Variants in OPCML observed in about 807,000 individuals in gnomAD.
The protein encoded by OPCML is opioid-binding protein/cell adhesion molecule.
OPCML carries 13 observed loss-of-function variants against 37.8 expected under a neutral mutation model. The observed-to-expected ratio is 0.34, with a 90% CI of 0.22 to 0.55. The LOEUF is 0.55. Among genes scored for constraint, OPCML ranks in the 20% least tolerant of loss-of-function variants. The pLI, the probability that OPCML is intolerant of heterozygous loss-of-function variation, is 0.91. For synonymous variants in OPCML, 176 were observed against 168.8 expected (o/e 1.04, Z -0.33); for missense variants, 341 against 435.6 (o/e 0.78, Z 1.93).
At chr11:133,024,169 T>C (rs373337391) in intron 1 of OPCML, among the ~76,000 whole-genome samples, 1 of 152,178 alleles carries the variant, frequency 6.6e-6, no homozygotes, top group African/African-American at 2.4e-5. Flanking sequence ...ACAGGGGACA[T>C]TTCAACACTG....
intron 1 of OPCML, among the ~76,000 whole-genome samples, chr11:133,185,435 A>T (rs565621116): frequency 6.6e-6 from 1 of 152,372 alleles, no homozygotes; most frequent in South Asian, 2.1e-4. Context: ...GAGCCGCTGC[A>T]GGCTGCAGCC....
At chr11:132,490,648 C>T (rs2096212777) in intron 4 of OPCML, among the ~76,000 whole-genome samples, 1 of 151,910 alleles carries the variant, frequency 6.6e-6, no homozygotes, top group South Asian at 2.1e-4. Context: ...GAAACCCCGT[C>T]TCTACTAAAA....
At chr11:132,490,261 T>C (rs1332573763) in intron 4 of OPCML, among the ~76,000 whole-genome samples, 2 of 151,858 alleles carry the variant, frequency 1.3e-5, no homozygotes, top group Admixed American at 6.6e-5. Flanking sequence ...ACCTTGAAAA[T>C]AGAAACTGCA....
chr11:133,061,655 G>A (rs952564408), intron 1 of OPCML, among the ~76,000 whole-genome samples: 3 of 152,188 alleles, frequency 2.0e-5, no homozygotes, highest in Admixed American at 2.0e-4. Flanking sequence ...TGAGGGCAAG[G>A]AACCTGATTT....
intron 1 of OPCML, among the ~76,000 whole-genome samples, chr11:133,479,766 C>T (rs1409666704): frequency 6.6e-6 from 1 of 152,222 alleles, no homozygotes; most frequent in African/African-American, 2.4e-5. Flanking sequence ...GGACCACACA[C>T]ACCCACCGAA....
chr11:132,921,276 G>A (rs1025092182), intron 2 of OPCML, among the ~76,000 whole-genome samples: 18 of 152,230 alleles, frequency 1.2e-4, no homozygotes, highest in African/African-American at 3.9e-4. Context: ...TTTTGATCAC[G>A]GTAAGGCCAC....
chr11:133,020,953 G>C (rs1009073317), intron 1 of OPCML, among the ~76,000 whole-genome samples: 3 of 152,074 alleles, frequency 2.0e-5, no homozygotes, highest in African/African-American at 7.2e-5. Context: ...GACTCTCAGA[G>C]ACTTTTAACT....
intron 3 of OPCML, among the ~76,000 whole-genome samples, chr11:132,622,369 C>A (rs1356903731): frequency 6.6e-6 from 1 of 151,772 alleles, no homozygotes; most frequent in Admixed American, 6.6e-5. Flanking sequence ...GAGAGAGAAG[C>A]GTGGAAACCT....
chr11:133,079,168 T>C (rs1343544758), intron 1 of OPCML, among the ~76,000 whole-genome samples: 1 of 152,164 alleles, frequency 6.6e-6, no homozygotes, highest in Non-Finnish European at 1.5e-5. Context: ...TTGGCAAGCA[T>C]GTTTGATATG....
chr11:133,486,865 TTTCCCTCTCTATCTCTC>T (rs1947538315), intron 1 of OPCML, among the ~76,000 whole-genome samples: 1 of 146,596 alleles, frequency 6.8e-6, no homozygotes, highest in South Asian at 2.4e-4. Context: ...TCTCTCTCTC[TTTCCCTCTCTATCTCTC>T]CTTTCCCTCT....
At chr11:132,727,026 C>T (rs1944910515) in intron 2 of OPCML, among the ~76,000 whole-genome samples, 1 of 152,190 alleles carries the variant, frequency 6.6e-6, no homozygotes, top group South Asian at 2.1e-4. Flanking sequence ...GCTCCTCACA[C>T]ACACTGCACA....
intron 3 of OPCML, among the ~76,000 whole-genome samples, chr11:132,615,898 A>C (rs1009673547): frequency 6.6e-6 from 1 of 152,248 alleles, no homozygotes; most frequent in African/African-American, 2.4e-5. Context: ...AGAGGGAAAA[A>C]AAGGCAGATT....
chr11:133,318,336 G>A (rs904199516), intron 1 of OPCML, among the ~76,000 whole-genome samples: 1 of 152,220 alleles, frequency 6.6e-6, no homozygotes, highest in Admixed American at 6.5e-5. Context: ...AACTCCTCAC[G>A]CTCTATACCT....
chr11:132,512,784 C>G (rs2096271730), intron 4 of OPCML, among the ~76,000 whole-genome samples: 1 of 151,434 alleles, frequency 6.6e-6, no homozygotes, highest in African/African-American at 2.4e-5. Context: ...CTAAAAAAGT[C>G]TAATATATAA....
At chr11:132,619,062 T>C (rs1236245832) in intron 3 of OPCML, among the ~76,000 whole-genome samples, 1 of 152,092 alleles carries the variant, frequency 6.6e-6, no homozygotes, top group African/African-American at 2.4e-5. Context: ...GCTCCTGCGA[T>C]GACTGGCACC....
chr11:133,304,060 G>T (rs73600473), intron 1 of OPCML, among the ~76,000 whole-genome samples: 7,390 of 152,210 alleles, frequency 0.049, 203 homozygotes, highest in Middle Eastern at 0.071. Flanking sequence ...ATAAATTTGC[G>T]TACTGTCCTT....
At chr11:133,358,993 T>C (rs1036483991) in intron 1 of OPCML, among the ~76,000 whole-genome samples, 3 of 150,788 alleles carry the variant, frequency 2.0e-5, no homozygotes, top group African/African-American at 7.3e-5. Flanking sequence ...GAGGGATGAT[T>C]TGGGGGAGGG....
At chr11:132,492,522 C>CGTT (rs750298757) in intron 4 of OPCML, among the ~76,000 whole-genome samples, 2 of 151,746 alleles carry the variant, frequency 1.3e-5, no homozygotes, top group Non-Finnish European at 2.9e-5. Context: ...TTGTTGTTGT[C>CGTT]GTTGTTGTTG....
intron 1 of OPCML, among the ~76,000 whole-genome samples, chr11:133,341,108 G>A (rs568024064): frequency 6.6e-6 from 1 of 152,100 alleles, no homozygotes; most frequent in African/African-American, 2.4e-5. Flanking sequence ...CGAGCTTCTT[G>A]TGGGACTCTG....
Sources: gnomAD v4.1 joint callset for allele counts (sites outside exome capture counted in the v4.1 genomes callset) on GRCh38, gnomAD v4.1.1 for gene constraint, MANE v1.5 for transcripts, NCBI Gene and HGNC (gene_info 2026-07-23, HGNC 2026-07-21) for gene names.